The following ME2 variants were observed in gnomAD, a reference collection of about 807,000 sequenced individuals.
The protein encoded by ME2 is malic enzyme 2.
ME2 carries 60 observed loss-of-function variants against 73.7 expected under a neutral mutation model. That is an observed-to-expected ratio of 0.81 (90% CI 0.66 to 1.01). The LOEUF (loss-of-function observed/expected upper bound fraction) is 1.01. Among genes scored for constraint, ME2 ranks in the 50% least tolerant of loss-of-function variants. The probability of loss-of-function intolerance (pLI) is 0.00; values close to 1 mark genes in which losing one functional copy is unlikely to be tolerated. For synonymous variants in ME2, 199 were observed against 236.9 expected (o/e 0.84, Z 1.47); for missense variants, 594 against 705.5 (o/e 0.84, Z 1.79).
At chr18:50,908,628 C>A (rs948041030) in intron 3 of ME2, among the ~76,000 whole-genome samples, 1 of 152,088 alleles carries the variant, frequency 6.6e-6, no homozygotes, top group Non-Finnish European at 1.5e-5. Flanking sequence ...CCCAAAGCTA[C>A]CCCTGGCAAA....
intron 1 of ME2, among the ~76,000 whole-genome samples, chr18:50,894,605 T>G (rs1300076514): frequency 1.5e-5 from 2 of 135,738 alleles, no homozygotes; most frequent in Non-Finnish European, 3.1e-5. Context: ...GAACGGTGGC[T>G]CACGCCTGTA....
chr18:50,936,661 C>T (rs533604094), intron 13 of ME2, among the ~76,000 whole-genome samples: 2 of 152,144 alleles, frequency 1.3e-5, no homozygotes, highest in Non-Finnish European at 2.9e-5. Flanking sequence ...GACATTGGCT[C>T]ACACCCATAA....
At chr18:50,880,193 TA>T (rs1916281379) in intron 1 of ME2, among the ~76,000 whole-genome samples, 3 of 152,204 alleles carry the variant, frequency 2.0e-5, no homozygotes, top group African/African-American at 7.2e-5. Context: ...CTACACGGAT[TA>T]TCTCAAAATA....
chr18:50,937,833 A>G (rs1250435723), intron 13 of ME2, among the ~76,000 whole-genome samples: 4 of 152,180 alleles, frequency 2.6e-5, no homozygotes, highest in Non-Finnish European at 5.9e-5. Flanking sequence ...AAGAGGTACA[A>G]TATCAGAAAA....
chr18:50,891,988 G>GT (rs11463139), intron 1 of ME2, among the ~76,000 whole-genome samples: 27,274 of 142,900 alleles, frequency 0.19, 4,345 homozygotes, highest in African/African-American at 0.45. Flanking sequence ...GTGTGTGTGG[G>GT]TTTTTTTTTT....
Position 50,947,277 on chromosome 18 carries a change from T to C in ME2, c.*93T>C. 1 of 1,329,948 alleles carries C rather than the reference T, an allele frequency of 7.5e-7. No individual in the cohort carries two copies. Among genetic ancestry groups the C allele is most frequent in the South Asian group, 1.4e-5 (1 of 72,246 alleles). 82.4% of individuals were successfully genotyped at this position (1,329,948 alleles called of 1,614,324 possible). On this transcript the variant is annotated 3_prime_UTR_variant, in exon 16 of 16. Coordinates refer to ENST00000321341, the MANE Select transcript of ME2 (RefSeq NM_002396.5). ...GTCTTCAGTTTTATGGTGTTTTCTG[T>C]GTTTTGTTCTCCCTGACCACTTTGG...
intron 2 of ME2, among the ~76,000 whole-genome samples, chr18:50,904,716 C>G (rs931511120): frequency 3.4e-4 from 52 of 152,306 alleles, no homozygotes; most frequent in Middle Eastern, 3.4e-3. Flanking sequence ...CTGCGCCTGG[C>G]CGACATTATT....
chr18:50,932,979 A>G (rs1917734766), intron 13 of ME2: 1 of 152,234 alleles, frequency 6.6e-6, no homozygotes, highest in Admixed American at 6.5e-5. Flanking sequence ...TACACCCAGT[A>G]TACTGGTATC....
At chr18:50,927,751 T>TATACACAC (rs1316314513) in intron 12 of ME2, among the ~76,000 whole-genome samples, 7 of 123,292 alleles carry the variant, frequency 5.7e-5, no homozygotes, top group African/African-American at 2.0e-4. Flanking sequence ...TATATATATA[T>TATACACAC]ACACACCACA....
chr18:50,952,367 TTAGA>T lies in ME2; in HGVS notation c.*5189_*5192del, dbSNP rs1918243537. ...AAATCCTATTCTTGCCAGAAGTTAC[TTAGA>T]TAGATTAGTGATTAGATTTTAAAAA... On this transcript the variant is annotated 3_prime_UTR_variant, in exon 16 of 16. Transcript: ENST00000321341. 1 of 152,338 alleles carries T rather than the reference TTAGA, an allele frequency of 6.6e-6. No homozygotes were observed. Among genetic ancestry groups the T allele is most frequent in the East Asian group, 1.9e-4 (1 of 5,190 alleles). 9.4% of individuals were successfully genotyped at this position (152,338 alleles called of 1,614,324 possible). A position where few individuals can be genotyped will look rare whatever the true frequency, so the allele number is the denominator to read the frequency against.
Position 50,920,647 on chromosome 18 carries a change from T to G in ME2, c.845-14T>G. On this transcript the variant is annotated splice_polypyrimidine_tract_variant and intron_variant, in intron 8 of 15. Coordinates refer to ENST00000321341, the MANE Select transcript of ME2 (RefSeq NM_002396.5). The stretch of plus-strand genomic sequence containing the variant: ...CCCATTTTTTATTTGTAAAAATCTT[T>G]GTTTTTCTTACAGGGACAGCTGCAG... The G allele has an allele frequency of 6.3e-7, 1 of 1,587,270 alleles. No individual in the cohort carries two copies.
At chr18:50,899,247 G>A (rs777640445) in intron 2 of ME2, among the ~76,000 whole-genome samples, 9 of 152,144 alleles carry the variant, frequency 5.9e-5, no homozygotes, top group Non-Finnish European at 1.2e-4. Flanking sequence ...CTGAAATAGA[G>A]TCAACAAGAT....
chr18:50,925,921 A>G, intron 12 of ME2, 23 bp downstream of exon 12: 1 of 1,541,238 alleles, frequency 6.5e-7, no homozygotes, highest in Non-Finnish European at 9.0e-7. Context: ...ACATGAATTG[A>G]TATGTATATT....
Position 50,912,853 on chromosome 18 carries a change from A to C in ME2, c.295A>C (p.Ile99Leu), listed in dbSNP as rs1410463148. Residue 99 changes from isoleucine (I) to leucine (L), a missense_variant, in exon 4 of 16, where the codon ATA becomes CTA. Ile to Leu is a conservative substitution (Grantham distance 5, BLOSUM62 2). Coordinates refer to ENST00000321341, the MANE Select transcript of ME2 (RefSeq NM_002396.5). ...AAGAAATGAGAAATTGTTTTATAGA[A>C]TACTGCAAGATGACATTGAGAGTTT... is the stretch of plus-strand genomic sequence containing the variant. ...QERNEKLFYR[I>L]LQDDIESLMP... 1.9e-6 allele frequency: 3 copies of C among 1,607,474 alleles called. No individual in the cohort carries two copies. The highest frequency in any genetic ancestry group is 2.2e-5 in the East Asian group (1 of 44,760).
chr18:50,888,373 G>T (rs867674790), intron 1 of ME2, among the ~76,000 whole-genome samples: 1 of 149,248 alleles, frequency 6.7e-6, no homozygotes, highest in Non-Finnish European at 1.5e-5. Flanking sequence ...GAAAATATAC[G>T]AAATGAAATT....
chr18:50,897,461 C>T (rs1421386898), intron 2 of ME2, among the ~76,000 whole-genome samples: 1 of 152,198 alleles, frequency 6.6e-6, no homozygotes, highest in Non-Finnish European at 1.5e-5. Flanking sequence ...CACAGTGGCT[C>T]ACTCCTGTAA....
At chr18:50,939,935 A>G in intron 14 of ME2, 1 of 425,650 alleles carries the variant, frequency 2.3e-6, no homozygotes, top group Non-Finnish European at 4.2e-6. Flanking sequence ...TTAATGGACA[A>G]GTACTGGTAT....
At chr18:50,931,873 T>C (rs1288047298) in intron 12 of ME2, among the ~76,000 whole-genome samples, 3 of 151,914 alleles carry the variant, frequency 2.0e-5, no homozygotes, top group African/African-American at 7.3e-5. Context: ...TTTGTAGAGA[T>C]AGGGGTTTCA....
intron 1 of ME2, among the ~76,000 whole-genome samples, chr18:50,883,135 C>CA (rs1916363385): frequency 6.6e-6 from 1 of 152,276 alleles, no homozygotes; most frequent in East Asian, 1.9e-4. Context: ...ATAGACCAGT[C>CA]AAAAACATGT....
Sources: allele counts gnomAD v4.1 joint callset (sites outside exome capture counted in the v4.1 genomes callset), GRCh38; gene constraint gnomAD v4.1.1; transcripts MANE v1.5; gene names NCBI Gene and HGNC (gene_info 2026-07-23, HGNC 2026-07-21).